Variants in TMEM132D observed in about 807,000 individuals in gnomAD.
TMEM132D encodes transmembrane protein 132D.
Under a neutral mutation model 62.3 loss-of-function variants are expected in TMEM132D, and 21 were observed. The observed-to-expected ratio is 0.34, with a 90% confidence interval of 0.24 to 0.49. TMEM132D has a LOEUF of 0.49. Ranked by LOEUF, TMEM132D falls within the 20% of genes least tolerant of loss-of-function variation. The pLI, the probability that TMEM132D is intolerant of heterozygous loss-of-function variation, is 0.99. For missense variants in TMEM132D, 1,346 were observed against 1,402.8 expected (o/e 0.96, Z 0.65); for synonymous variants, 621 against 575.6 (o/e 1.08, Z -1.13).
At chr12:129,443,421 T>C (rs1325189326) in intron 3 of TMEM132D, among the ~76,000 whole-genome samples, 1 of 152,152 alleles carries the variant, frequency 6.6e-6, no homozygotes, top group Non-Finnish European at 1.5e-5. Context: ...CACACTCTGA[T>C]CTGATGATAA....
intron 2 of TMEM132D, among the ~76,000 whole-genome samples, chr12:129,573,433 C>A (rs1331968544): frequency 6.6e-6 from 1 of 152,152 alleles, no homozygotes; most frequent in African/African-American, 2.4e-5. Context: ...TGTGGAGCAT[C>A]CACCATGCAT....
intron 2 of TMEM132D, among the ~76,000 whole-genome samples, chr12:129,556,908 T>A (rs1877078525): frequency 6.6e-6 from 1 of 152,194 alleles, no homozygotes; most frequent in Non-Finnish European, 1.5e-5. Flanking sequence ...AAACTTTGTA[T>A]CCCCAGGCAC....
chr12:129,464,510 C>G (rs1873814650), intron 3 of TMEM132D, among the ~76,000 whole-genome samples: 1 of 152,094 alleles, frequency 6.6e-6, no homozygotes, highest in South Asian at 2.1e-4. Flanking sequence ...CTTTTGTTGC[C>G]ATTGCTTTTG....
At chr12:129,183,329 T>TTGCTCCTAAAACAAGAGCC (rs1399595308) in intron 5 of TMEM132D, among the ~76,000 whole-genome samples, 9 of 152,132 alleles carry the variant, frequency 5.9e-5, no homozygotes, top group Admixed American at 4.6e-4. Flanking sequence ...TGTCGAGAGG[T>TTGCTCCTAAAACAAGAGCC]TGCTCCTAAA....
intron 1 of TMEM132D, among the ~76,000 whole-genome samples, chr12:129,783,536 G>T (rs61943428): frequency 0.06 from 9,056 of 152,140 alleles, 320 homozygotes; most frequent in East Asian, 0.1. Context: ...TATATTCCAG[G>T]CGTACTTGTT....
chr12:129,145,426 G>T (rs764816670), intron 5 of TMEM132D, among the ~76,000 whole-genome samples: 24 of 152,096 alleles, frequency 1.6e-4, no homozygotes, highest in Non-Finnish European at 2.8e-4. Context: ...CTGTGAGCAT[G>T]GGCAGGTGCA....
At chr12:129,284,659 G>A (rs1445606970) in intron 4 of TMEM132D, among the ~76,000 whole-genome samples, 3 of 152,234 alleles carry the variant, frequency 2.0e-5, no homozygotes, top group Non-Finnish European at 4.4e-5. Context: ...GGTGAAAACA[G>A]TCCAAATGCC....
At chr12:129,272,741 C>T (rs1880887935) in intron 4 of TMEM132D, among the ~76,000 whole-genome samples, 1 of 151,710 alleles carries the variant, frequency 6.6e-6, no homozygotes, top group South Asian at 2.1e-4. Flanking sequence ...TAGCATCTCA[C>T]ACTAGATAGA....
intron 5 of TMEM132D, among the ~76,000 whole-genome samples, chr12:129,189,545 C>T (rs1878324482): frequency 6.6e-6 from 1 of 152,028 alleles, no homozygotes; most frequent in Non-Finnish European, 1.5e-5. Context: ...GGAGAGCTGC[C>T]CATAGCCCAC....
At chr12:129,733,370 T>C (rs1182773344) in intron 1 of TMEM132D, among the ~76,000 whole-genome samples, 1 of 152,094 alleles carries the variant, frequency 6.6e-6, no homozygotes, top group Non-Finnish European at 1.5e-5. Context: ...TGACAGAGAA[T>C]AGTTTTCAGA....
intron 4 of TMEM132D, among the ~76,000 whole-genome samples, chr12:129,303,840 C>T (rs919468495): frequency 1.9e-4 from 28 of 144,598 alleles, no homozygotes; most frequent in African/African-American, 6.9e-4. Context: ...GTTGAGGGGG[C>T]GGGTTGAGCA....
intron 5 of TMEM132D, among the ~76,000 whole-genome samples, chr12:129,124,003 C>A (rs2135657163): frequency 6.6e-6 from 1 of 152,324 alleles, no homozygotes. Context: ...GCCTCCATAA[C>A]TGTGTGAGCC....
chr12:129,488,427 C>T (rs1874655918), intron 3 of TMEM132D, among the ~76,000 whole-genome samples: 1 of 152,038 alleles, frequency 6.6e-6, no homozygotes, highest in Non-Finnish European at 1.5e-5. Flanking sequence ...AACCCTAGCA[C>T]TTTGGGAGGC....
intron 5 of TMEM132D, among the ~76,000 whole-genome samples, chr12:129,091,641 C>T (rs1252027375): frequency 2.0e-5 from 3 of 149,172 alleles, no homozygotes; most frequent in Admixed American, 2.0e-4. Flanking sequence ...TCCTTACCTA[C>T]CCTCACCTGG....
intron 1 of TMEM132D, among the ~76,000 whole-genome samples, chr12:129,862,884 T>C (rs540824419): frequency 2.0e-5 from 3 of 151,548 alleles, no homozygotes; most frequent in African/African-American, 7.3e-5. Context: ...AAAAAAAAGC[T>C]ATAGCAGCTC....
At chr12:129,460,254 G>A (rs899518111) in intron 3 of TMEM132D, among the ~76,000 whole-genome samples, 1 of 152,070 alleles carries the variant, frequency 6.6e-6, no homozygotes, top group Non-Finnish European at 1.5e-5. Flanking sequence ...TGATGTCCGT[G>A]GATTCTTCTG....
chr12:129,542,257 T>C (rs527696779), intron 2 of TMEM132D, among the ~76,000 whole-genome samples: 1 of 152,254 alleles, frequency 6.6e-6, no homozygotes. Flanking sequence ...CTAATTTTAC[T>C]GTCTGTTAAG....
At chr12:129,267,113 C>G (rs890977857) in intron 4 of TMEM132D, among the ~76,000 whole-genome samples, 1 of 152,184 alleles carries the variant, frequency 6.6e-6, no homozygotes, top group East Asian at 1.9e-4. Flanking sequence ...CATTATACTC[C>G]AGCCACACTG....
intron 5 of TMEM132D, among the ~76,000 whole-genome samples, chr12:129,139,174 G>T (rs1876665840): frequency 6.6e-6 from 1 of 152,158 alleles, no homozygotes; most frequent in African/African-American, 2.4e-5. Flanking sequence ...GAGGAAGTTT[G>T]GTGTTGCCCC....
Sources: allele counts gnomAD v4.1 joint callset (sites outside exome capture counted in the v4.1 genomes callset), GRCh38; gene constraint gnomAD v4.1.1; transcripts MANE v1.5; gene names NCBI Gene and HGNC (gene_info 2026-07-23, HGNC 2026-07-21).